The following TRPM7 variants were observed in gnomAD, a reference collection of about 807,000 sequenced individuals.
The protein encoded by TRPM7 is transient receptor potential cation channel subfamily M member 7, also known as LTRPC ion channel family member 7.
Under a neutral mutation model 229.7 loss-of-function variants are expected in TRPM7, and 134 were observed. That is an observed-to-expected ratio of 0.58 (90% CI 0.51 to 0.67). The LOEUF is 0.67. Ranked by LOEUF, TRPM7 falls within the 30% of genes least tolerant of loss-of-function variation. The pLI, the probability that TRPM7 is intolerant of heterozygous loss-of-function variation, is 0.00. For missense variants in TRPM7, 1,901 were observed against 2,210.0 expected, an observed-to-expected ratio of 0.86 and a Z score of 2.80; for synonymous variants, 699 against 715.2, an observed-to-expected ratio of 0.98 and a Z score of 0.36.
Position 50,594,502 on chromosome 15 carries a change from A to C in TRPM7, c.3402T>G (p.Ile1134Met). Residue 1134 changes from isoleucine to methionine, a missense_variant, in exon 24 of 39, where the codon ATT (isoleucine) becomes ATG (methionine). Transcript: ENST00000646667. Reference sequence around the variant, plus strand: ...AAAACAGAGAAACTATATGGCTAAGAATGATAAGTGGAGGAGGCAGAACTG... The same window carrying C: ...AAAACAGAGAAACTATATGGCTAAGCATGATAAGTGGAGGAGGCAGAACTG... ...EKPVLPPPLI[I>M]LSHIVSLFCC... 2.5e-6 allele frequency: 4 copies of C among 1,613,446 alleles called. No homozygotes were observed. The highest frequency in any genetic ancestry group is 3.4e-6 in the Non-Finnish European group (4 of 1,179,676).
At chr15:50,637,746 C>T (rs2060950085) in intron 6 of TRPM7, among the ~76,000 whole-genome samples, 153 bp from the exon 7 acceptor site, 2 of 152,202 alleles carry the variant, frequency 1.3e-5, no homozygotes, top group African/African-American at 4.8e-5. Context: ...TTTCAAAAAG[C>T]GTAAGCTTTT....
chr15:50,607,115 C>G (rs72740441), intron 20 of TRPM7, 85 bp downstream of exon 20: 48,474 of 1,240,448 alleles, frequency 0.039, 1,267 homozygotes, highest in Non-Finnish European at 0.047. Flanking sequence ...CACACACCCC[C>G]CTACGTATAC....
Position 50,637,540 on chromosome 15 carries a change from C to T in TRPM7, c.714G>A (p.Leu238=). 1 of 1,614,042 alleles carries T rather than the reference C, an allele frequency of 6.2e-7. No individual in the cohort carries two copies. Among genetic ancestry groups the T allele is most frequent in the Non-Finnish European group, 8.5e-7 (1 of 1,179,980 alleles). ...LLNPLSKLNV[L]NNLHSHFILV... is the part of the protein sequence containing the mutation. ...ATATGAAATGGGAATGCAGATTATT[C>T]AAAACATTCAATTTGCTCAGGGGGT... The change falls in exon 7 of 39, where the codon TTG becomes TTA. Residue 238 remains leucine (L), a synonymous_variant. Transcript: ENST00000646667.
chr15:50,678,756 G>A (rs2062161323), intron 1 of TRPM7, among the ~76,000 whole-genome samples: 1 of 152,262 alleles, frequency 6.6e-6, no homozygotes, highest in East Asian at 1.9e-4. Flanking sequence ...AAGGCCAGGT[G>A]CAGTGGCTTA....
intron 12 of TRPM7, 83 bp downstream of exon 12, chr15:50,624,083 C>G: frequency 7.3e-7 from 1 of 1,367,254 alleles, no homozygotes; most frequent in Non-Finnish European, 9.9e-7. Flanking sequence ...AGGGTTTTAT[C>G]AATAGGAATG....
chr15:50,642,859 G>GTT (rs370619585), intron 5 of TRPM7, among the ~76,000 whole-genome samples: 19 of 147,038 alleles, frequency 1.3e-4, no homozygotes, highest in African/African-American at 4.7e-4. Context: ...AAAGTGTTGC[G>GTT]TTTTTTTTTT....
chr15:50,571,814 G>A (rs545659047), intron 36 of TRPM7, among the ~76,000 whole-genome samples: 2 of 152,268 alleles, frequency 1.3e-5, no homozygotes, highest in South Asian at 2.1e-4. Flanking sequence ...GAATCTACTC[G>A]GTGAAGATAC....
chr15:50,659,370 A>G (rs1011545075), intron 2 of TRPM7, among the ~76,000 whole-genome samples: 1 of 152,186 alleles, frequency 6.6e-6, no homozygotes, highest in African/African-American at 2.4e-5. Context: ...ATTTTTTATT[A>G]GCAAGGTAAA....
intron 25 of TRPM7, among the ~76,000 whole-genome samples, chr15:50,593,142 A>T (rs1169812731): frequency 6.6e-6 from 1 of 152,062 alleles, no homozygotes; most frequent in Non-Finnish European, 1.5e-5. Context: ...TATAAAAATC[A>T]GCTGGGTGTG....
chr15:50,647,886 G>A (rs1311749245), intron 4 of TRPM7, among the ~76,000 whole-genome samples: 2 of 152,188 alleles, frequency 1.3e-5, no homozygotes, highest in Non-Finnish European at 1.5e-5. Context: ...TTATTTACCT[G>A]TCATTATTCC....
intron 13 of TRPM7, among the ~76,000 whole-genome samples, chr15:50,617,390 C>T (rs924356262): frequency 1.3e-5 from 2 of 150,568 alleles, no homozygotes; most frequent in African/African-American, 2.4e-5. Context: ...GCAATCCCAG[C>T]TACTCGGGAG....
chr15:50,643,475 T>C lies in TRPM7; in HGVS notation c.400A>G (p.Lys134Glu). The C allele has an allele frequency of 6.2e-7, 1 of 1,614,176 alleles. No individual in the cohort carries two copies. Among genetic ancestry groups the C allele is most frequent in the Non-Finnish European group, 8.5e-7 (1 of 1,180,036 alleles). The part of the protein sequence containing the change: ...LLKEWQMELP[K>E]LVISVHGGMQ... ...CCCCCATGTACAGAGATAACAAGTTTGGGTAACTCCATTTGCCATTCTTTA... is the reference window on the plus strand; with the variant it reads ...CCCCCATGTACAGAGATAACAAGTTCGGGTAACTCCATTTGCCATTCTTTA... The change falls in exon 5 of 39, where the codon AAA becomes GAA. Residue 134 changes from lysine to glutamate, a missense_variant. Lys to Glu is a moderately conservative substitution (Grantham distance 56, BLOSUM62 1). This residue lies in a region of TRPM7 where 794 missense variants were observed against 881.9 expected (regional missense o/e 0.90). Coordinates refer to ENST00000646667, the MANE Select transcript of TRPM7 (RefSeq NM_017672.6).
rs552016333 is a variant in TRPM7, at chr15:50,651,865, C to T, written c.123-2980G>A. ...TCGCGCCACTGCACATCCAGCCTGG[C>T]GACGGAGCAAGATTCCTTCTCAAAA... On this transcript the variant is annotated intron_variant, in intron 3 of 38. Transcript: ENST00000646667. Among the ~76,000 whole-genome samples, 168 of 151,492 alleles carry T rather than the reference C, an allele frequency of 1.1e-3. 1 individual carries two copies. Among genetic ancestry groups the T allele is most frequent in the African/African-American group, 3.9e-3 (161 of 41,342 alleles).
chr15:50,669,698 T>C (rs1218253928), intron 1 of TRPM7, among the ~76,000 whole-genome samples: 1 of 152,112 alleles, frequency 6.6e-6, no homozygotes, highest in African/African-American at 2.4e-5. Flanking sequence ...TCTAGTCTCA[T>C]CAGTTGTTTG....
At chr15:50,665,319 G>A (rs947476277) in intron 1 of TRPM7, among the ~76,000 whole-genome samples, 8 of 151,678 alleles carry the variant, frequency 5.3e-5, no homozygotes, top group Admixed American at 3.3e-4. Context: ...GCTTGAACCC[G>A]GGAGGCAGAG....
intron 6 of TRPM7, 91 bp from the exon 7 acceptor site, chr15:50,637,684 G>C: frequency 1.8e-6 from 2 of 1,142,384 alleles, no homozygotes; most frequent in Non-Finnish European, 2.4e-6. Flanking sequence ...AGACAAGTAA[G>C]AAGTAAAATT....
At chr15:50,653,720 C>A (rs1567090053) in intron 3 of TRPM7, among the ~76,000 whole-genome samples, 1 of 152,048 alleles carries the variant, frequency 6.6e-6, no homozygotes. Flanking sequence ...GAATTTGTAG[C>A]AGAGTTACCA....
chr15:50,645,060 C>T (rs115900290), intron 4 of TRPM7, among the ~76,000 whole-genome samples: 2,065 of 152,038 alleles, frequency 0.014, 39 homozygotes, highest in African/African-American at 0.048. Context: ...GGGCACCCTG[C>T]GTAGCTAATT....
In TRPM7 at chr15:50,575,644, C is replaced by T. The variant is rs118029886; in HGVS notation, c.4735+80G>A. ...GAAATTGATACTTCTTAATGTAATCCCACCCACATTCTATATTATAGCTAA... is the reference window on the plus strand; with the variant it reads ...GAAATTGATACTTCTTAATGTAATCTCACCCACATTCTATATTATAGCTAA... On this transcript the variant is annotated intron_variant, in intron 33 of 38. Coordinates refer to ENST00000646667, the MANE Select transcript of TRPM7 (RefSeq NM_017672.6). 0.021 allele frequency: 25,302 copies of T among 1,206,256 alleles called. 323 individuals carry two copies. The highest frequency in any genetic ancestry group is 0.033 in the Middle Eastern group (119 of 3,604). 74.7% of individuals were successfully genotyped at this position (1,206,256 alleles called of 1,614,324 possible).
Sources: gnomAD v4.1 joint callset for allele counts (sites outside exome capture counted in the v4.1 genomes callset) on GRCh38, gnomAD v4.1.1 for gene constraint, gnomAD v4.1.1 regional missense constraint, MANE v1.5 for transcripts, NCBI Gene and HGNC (gene_info 2026-07-23, HGNC 2026-07-21) for gene names.